Variants in STXBP4 observed in about 807,000 individuals in gnomAD.
STXBP4 encodes syntaxin-binding protein 4.
Under a neutral mutation model 76.1 loss-of-function variants are expected in STXBP4, and 55 were observed. The ratio of observed to expected loss-of-function variants is 0.72; its 90% CI spans 0.58 to 0.91. STXBP4 has a LOEUF of 0.91. Among genes scored for constraint, STXBP4 ranks in the 40% least tolerant of loss-of-function variants. The probability of loss-of-function intolerance (pLI) is 0.00; values close to 1 mark genes in which losing one functional copy is unlikely to be tolerated. For missense variants in STXBP4, 618 were observed against 636.9 expected, an observed-to-expected ratio of 0.97 and a Z score of 0.32; for synonymous variants, 201 against 220.2, an observed-to-expected ratio of 0.91 and a Z score of 0.77.
chr17:55,174,320 G>T (rs1321860262), downstream of STXBP4, among the ~76,000 whole-genome samples: 3 of 152,184 alleles, frequency 2.0e-5, no homozygotes, highest in Non-Finnish European at 2.9e-5. Context: ...GTGTATGAGA[G>T]TTCCAGTTGC....
downstream of STXBP4, among the ~76,000 whole-genome samples, chr17:55,176,880 C>T (rs1342698655): frequency 6.6e-6 from 1 of 152,160 alleles, no homozygotes; most frequent in Non-Finnish European, 1.5e-5. Context: ...CATAATATTT[C>T]CTGGTTTTGG....
At chr17:55,021,808 A>G (rs1284078181) in intron 8 of STXBP4, among the ~76,000 whole-genome samples, 3 of 152,194 alleles carry the variant, frequency 2.0e-5, no homozygotes, top group Admixed American at 6.5e-5. Context: ...TTAGAAAAAA[A>G]TGAGGATTTC....
At chr17:55,195,789 G>T in the STXBP4 span, among the ~76,000 whole-genome samples, 1 of 152,124 alleles carries the variant, frequency 6.6e-6, no homozygotes, top group African/African-American at 2.4e-5. Flanking sequence ...AGGGCAGGGG[G>T]TATGTCTTAT....
chr17:55,028,360 T>C (rs2078450786), intron 8 of STXBP4, among the ~76,000 whole-genome samples: 1 of 152,130 alleles, frequency 6.6e-6, no homozygotes, highest in Non-Finnish European at 1.5e-5. Flanking sequence ...ATGCAATATT[T>C]GTAAAATGTA....
chr17:55,055,233 T>C (rs1334440235), intron 12 of STXBP4, among the ~76,000 whole-genome samples: 1 of 152,158 alleles, frequency 6.6e-6, no homozygotes, highest in African/African-American at 2.4e-5. Flanking sequence ...GTGGGTGTGT[T>C]GGGGCCTACA....
chr17:55,119,906 T>G (rs2079825149), intron 16 of STXBP4, among the ~76,000 whole-genome samples: 1 of 152,126 alleles, frequency 6.6e-6, no homozygotes, highest in Non-Finnish European at 1.5e-5. Flanking sequence ...TCTAACCATA[T>G]GCATATTGTG....
At chr17:55,007,356 A>AG (rs2144541548) in intron 7 of STXBP4, 150 bp from the exon 8 acceptor site, 2 of 665,302 alleles carry the variant, frequency 3.0e-6, no homozygotes, top group East Asian at 5.5e-5. Context: ...AAAAAAGAAA[A>AG]GAAAAAAAAA....
chr17:55,015,853 G>A (rs1166773119), intron 8 of STXBP4, among the ~76,000 whole-genome samples: 1 of 152,140 alleles, frequency 6.6e-6, no homozygotes, highest in Non-Finnish European at 1.5e-5. Flanking sequence ...TGAAAAGAAA[G>A]TTTGTACATA....
At chr17:55,118,771 C>G (rs244350) in intron 16 of STXBP4, among the ~76,000 whole-genome samples, 94,831 of 151,358 alleles carry the variant, frequency 0.63, 30,366 homozygotes, top group African/African-American at 0.75. Context: ...GGCAAATGTA[C>G]TATTATAGAA....
rs1027933117 is a variant in STXBP4 at position 55,168,006 on chromosome 17, T to A, written c.*8095T>A. 5.3e-5 allele frequency: 8 copies of A among 152,162 alleles called. No individual in the cohort carries two copies. The highest frequency in any genetic ancestry group is 1.9e-4 in the African/African-American group (8 of 41,436). 9.4% of individuals were successfully genotyped at this position (152,162 alleles called of 1,614,324 possible). A position where few individuals can be genotyped will look rare whatever the true frequency, so the allele number is the denominator to read the frequency against. The stretch of plus-strand genomic sequence containing the variant: ...AGCAGATTCTATTTCTTTAGGCAGT[T>A]TTATCATTCAGAGAAGTAATCTATG... On this transcript the variant is annotated 3_prime_UTR_variant, in exon 18 of 18. Coordinates refer to ENST00000376352, the MANE Select transcript of STXBP4 (RefSeq NM_178509.6).
At position 55,170,313 on chromosome 17, in the gene STXBP4, T is replaced by C. The variant is rs2080399107; in HGVS notation, c.*10402T>C. On this transcript the variant is annotated 3_prime_UTR_variant, in exon 18 of 18. Transcript: ENST00000376352. ...GGTATCTAACATGATAGAAAATGTT[T>C]ACTAATGTTTAATGATACCAAGAAA... 1 of 152,192 alleles carries C rather than the reference T, an allele frequency of 6.6e-6. No individual in the cohort carries two copies. The highest frequency in any genetic ancestry group is 1.5e-5 in the Non-Finnish European group (1 of 68,034). The allele number at this position is 152,192 out of a possible 1,614,324, so 9.4% of individuals were successfully genotyped here. A position where few individuals can be genotyped will look rare whatever the true frequency, so the allele number is the denominator to read the frequency against.
intron 12 of STXBP4, 137 bp from the exon 13 acceptor site, chr17:55,072,763 T>A (rs2079136609): frequency 1.7e-5 from 10 of 605,780 alleles, no homozygotes; most frequent in Non-Finnish European, 2.5e-5. Flanking sequence ...ACTATTAATT[T>A]TCAAATTGAT....
chr17:55,152,526 G>A (rs1338598695), intron 17 of STXBP4, among the ~76,000 whole-genome samples: 4 of 152,146 alleles, frequency 2.6e-5, no homozygotes, highest in African/African-American at 4.8e-5. Flanking sequence ...ACAGTTCCAC[G>A]TGGCTGGGGA....
intron 1 of STXBP4, among the ~76,000 whole-genome samples, chr17:54,980,584 GT>G (rs1231066855): frequency 6.6e-6 from 1 of 152,194 alleles, no homozygotes; most frequent in Non-Finnish European, 1.5e-5. Context: ...GTTTTCCATC[GT>G]TTCCTTGGTT....
At position 55,170,056 on chromosome 17, in the gene STXBP4, A is replaced by G. The variant is rs1371300747; in HGVS notation, c.*10145A>G. 1 of 152,232 alleles carries G rather than the reference A, an allele frequency of 6.6e-6. No individual in the cohort carries two copies. The highest frequency in any genetic ancestry group is 1.5e-5 in the Non-Finnish European group (1 of 68,040). 9.4% of individuals were successfully genotyped at this position (152,232 alleles called of 1,614,324 possible). ...ATGTTAGTGCAGGTACATGACATAGATATCCTCAAATATTCTTAGGACATC... is the reference window on the plus strand; with the variant it reads ...ATGTTAGTGCAGGTACATGACATAGGTATCCTCAAATATTCTTAGGACATC... On this transcript the variant is annotated 3_prime_UTR_variant, in exon 18 of 18. Transcript: ENST00000376352.
intron 8 of STXBP4, 109 bp downstream of exon 8, chr17:55,007,706 T>C: frequency 1.3e-6 from 1 of 773,502 alleles, no homozygotes; most frequent in Non-Finnish European, 2.1e-6. Context: ...TTGAAGTTAC[T>C]TATTTACAAT....
intron 16 of STXBP4, among the ~76,000 whole-genome samples, chr17:55,129,042 G>C (rs1281930370): frequency 4.1e-5 from 6 of 147,072 alleles, no homozygotes; most frequent in Non-Finnish European, 8.9e-5. Flanking sequence ...TGATTCTCCT[G>C]CCTCAGCCTC....
intron 8 of STXBP4, among the ~76,000 whole-genome samples, chr17:55,012,450 T>C (rs980058179): frequency 1.3e-5 from 2 of 152,186 alleles, no homozygotes; most frequent in African/African-American, 4.8e-5. Context: ...TTCCCTTTTC[T>C]TTCCTTTCTG....
chr17:55,206,302 C>T, the STXBP4 span, among the ~76,000 whole-genome samples: 1 of 152,096 alleles, frequency 6.6e-6, no homozygotes, highest in Admixed American at 6.5e-5. Flanking sequence ...TGCCCCCCAA[C>T]CCCATTCATA....
Sources: allele counts gnomAD v4.1 joint callset (sites outside exome capture counted in the v4.1 genomes callset), GRCh38; gene constraint gnomAD v4.1.1; transcripts MANE v1.5; gene names NCBI Gene and HGNC (gene_info 2026-07-23, HGNC 2026-07-21).